Variants in SFTPA1 observed in about 807,000 individuals in gnomAD.
The protein encoded by SFTPA1 is surfactant protein A1.
A neutral mutation model predicts 19.1 loss-of-function variants in SFTPA1; 13 were observed. The ratio of observed to expected loss-of-function variants is 0.68; its 90% CI spans 0.44 to 1.08. The LOEUF (loss-of-function observed/expected upper bound fraction) is 1.08, where lower values mean the gene tolerates loss of function less well. SFTPA1 is among the 50% of genes least tolerant of loss of function. SFTPA1 has a pLI of 0.00. For synonymous variants in SFTPA1, 101 were observed against 117.0 expected, an observed-to-expected ratio of 0.86 and a Z score of 0.88; for missense variants, 259 against 316.4, an observed-to-expected ratio of 0.82 and a Z score of 1.38.
chr10:79,611,869 C>G lies in SFTPA1; in HGVS notation c.44C>G (p.Ala15Gly), dbSNP rs756112462. 1 of 1,613,882 alleles carries G rather than the reference C, an allele frequency of 6.2e-7. No individual in the cohort carries two copies. The highest frequency in any genetic ancestry group is 1.7e-5 in the Admixed American group (1 of 60,000). ...GCCCTCAACCTCATCTTGATGGCAGCCTCTGGTGCTGTGTGCGAAGTGAAG... is the reference window on the plus strand; with the variant it reads ...GCCCTCAACCTCATCTTGATGGCAGGCTCTGGTGCTGTGTGCGAAGTGAAG... The part of the protein sequence containing the change: ...PLALNLILMA[A>G]SGAVCEVKDV... Residue 15 changes from alanine (A) to glycine (G), a missense_variant, in exon 3 of 6, where the codon GCC (alanine) becomes GGC (glycine). Coordinates refer to ENST00000398636, the MANE Select transcript of SFTPA1 (RefSeq NM_005411.5).
At chr10:79,613,358 T>C (rs1479707533) in intron 5 of SFTPA1, 92 bp downstream of exon 5, 5 of 1,573,654 alleles carry the variant, frequency 3.2e-6, no homozygotes, top group Admixed American at 3.3e-5. Context: ...AGATTACAAA[T>C]AGGCATGCAC....
In SFTPA1 at chr10:79,611,377, T is replaced by A; in HGVS notation, c.-36T>A. The A allele has an allele frequency of 1.8e-6, 1 of 562,946 alleles. No homozygotes were observed. The highest frequency in any genetic ancestry group is 3.2e-6 in the Non-Finnish European group (1 of 316,506). The allele number at this position is 562,946 out of a possible 1,614,324, so 34.9% of individuals were successfully genotyped here. On this transcript the variant is annotated 5_prime_UTR_variant, in exon 2 of 6. Transcript: ENST00000398636. ...ACACAGCAGGGATGAGGACAGATGGTGTGAGTCAGTGAGTGAGTGACCTGA... is the reference window on the plus strand; with the variant it reads ...ACACAGCAGGGATGAGGACAGATGGAGTGAGTCAGTGAGTGAGTGACCTGA...
chr10:79,612,523 A>T, intron 4 of SFTPA1, 92 bp downstream of exon 4: 1 of 1,574,260 alleles, frequency 6.4e-7, no homozygotes, highest in Admixed American at 1.7e-5. Context: ...GACAAACCCT[A>T]CAGGTTCCCC....
At position 79,611,960 on chromosome 10, in the gene SFTPA1, C is replaced by A. The variant is rs200941736; in HGVS notation, c.135C>A (p.Asp45Glu). ...GATCCCACGGCCTGCCAGGCAGGGA[C>A]GGGAGAGATGGTCTCAAAGGAGACC... is the stretch of plus-strand genomic sequence containing the variant. ...TPGSHGLPGR[D>E]GRDGLKGDPG... Residue 45 changes from aspartate (D) to glutamate (E), a missense_variant, in exon 3 of 6, where the codon GAC becomes GAA. Transcript: ENST00000398636. The A allele has an allele frequency of 1.9e-6, 3 of 1,613,688 alleles. No homozygotes were observed. Among genetic ancestry groups the A allele is most frequent in the Non-Finnish European group, 2.5e-6 (3 of 1,179,756 alleles).
intron 2 of SFTPA1, 117 bp downstream of exon 2, chr10:79,611,506 T>A: frequency 2.9e-6 from 4 of 1,375,340 alleles, no homozygotes; most frequent in Non-Finnish European, 3.9e-6. Flanking sequence ...AGTGAGGCAC[T>A]GAAAGAAAGG....
rs1288606862 is a variant in SFTPA1, at chr10:79,612,014, C to T, written c.172+17C>T. The T allele has an allele frequency of 2.0e-5, 32 of 1,611,818 alleles. No homozygotes were observed. Among genetic ancestry groups the T allele is most frequent in the Non-Finnish European group, 2.5e-5 (30 of 1,178,648 alleles). On this transcript the variant is annotated intron_variant, in intron 3 of 5. Transcript: ENST00000398636. ...GCCCTCCAGGTACTGTGCTGCAGAC[C>T]CCACCCTCAGCTGAGGGACACAGAC...
rs983505060 is a variant in SFTPA1 at position 79,612,422 on chromosome 10, G to T, written c.283G>T (p.Gly95Cys). The T allele has an allele frequency of 1.2e-6, 2 of 1,613,420 alleles. No homozygotes were observed. The highest frequency in any genetic ancestry group is 2.2e-5 in the South Asian group (2 of 91,072). Residue 95 changes from glycine (G) to cysteine (C), a missense_variant, in exon 4 of 6, where the codon GGC (glycine) becomes TGC (cysteine). By Grantham distance (159) the Gly-to-Cys change is radical. Transcript: ENST00000398636. ...AGAGAAGGGGGAGCCTGGCGAGAGG[G>T]GCCCTCCAGGTGAGCAGGGTGGGGC... Reference protein sequence around the residue: ...CGEKGEPGERGPPGLPAHLDE... With the variant: ...CGEKGEPGERCPPGLPAHLDE...
chr10:79,612,215 G>C lies in SFTPA1; in HGVS notation c.173-97G>C, dbSNP rs1332280500. 2.5e-6 allele frequency: 4 copies of C among 1,610,584 alleles called. No homozygotes were observed. In the African/African-American group the frequency reaches 4.0e-5, roughly 16 times the overall value. Reference sequence around the variant, plus strand: ...GTGCCCACGGAGTGATAGAGTGATAGCTGAGCCAGCCCTGGTGATAATGGG... The same window carrying C: ...GTGCCCACGGAGTGATAGAGTGATACCTGAGCCAGCCCTGGTGATAATGGG... On this transcript the variant is annotated intron_variant, in intron 3 of 5. Transcript: ENST00000398636.
rs1270068931 is a variant in SFTPA1 at position 79,614,972 on chromosome 10, G to C, written c.*859G>C. 7.7e-7 allele frequency: 1 copy of C among 1,301,710 alleles called. No homozygotes were observed. Among genetic ancestry groups the C allele is most frequent in the Non-Finnish European group, 1.0e-6 (1 of 987,072 alleles). 80.6% of individuals were successfully genotyped at this position (1,301,710 alleles called of 1,614,324 possible). A position where few individuals can be genotyped will look rare whatever the true frequency, so the allele number is the denominator to read the frequency against. ...AGATATTTCATTAAAATTATCACGTGCCAGGTCTTAGGATATGTCGTGGGG... is the reference window on the plus strand; with the variant it reads ...AGATATTTCATTAAAATTATCACGTCCCAGGTCTTAGGATATGTCGTGGGG... On this transcript the variant is annotated 3_prime_UTR_variant, in exon 6 of 6. Transcript: ENST00000398636.
At chr10:79,611,590 C>T (rs1016233754) in intron 2 of SFTPA1, 1 of 1,550,644 alleles carries the variant, frequency 6.4e-7, no homozygotes, top group Non-Finnish European at 8.7e-7. Flanking sequence ...AGCCTGGAGA[C>T]CCCACAACCT....
At position 79,614,985 on chromosome 10, in the gene SFTPA1, A is replaced by G. The variant is rs973198243; in HGVS notation, c.*872A>G. Reference sequence around the variant, plus strand: ...AAATTATCACGTGCCAGGTCTTAGGATATGTCGTGGGGTGGGCAAGGTAAT... The same window carrying G: ...AAATTATCACGTGCCAGGTCTTAGGGTATGTCGTGGGGTGGGCAAGGTAAT... On this transcript the variant is annotated 3_prime_UTR_variant, in exon 6 of 6. Coordinates refer to ENST00000398636, the MANE Select transcript of SFTPA1 (RefSeq NM_005411.5). The G allele has an allele frequency of 2.1e-5, 27 of 1,304,470 alleles. No individual in the cohort carries two copies. Among genetic ancestry groups the G allele is most frequent in the Non-Finnish European group, 2.6e-5 (26 of 988,520 alleles). The allele number at this position is 1,304,470 out of a possible 1,614,324, so 80.8% of individuals were successfully genotyped here.
chr10:79,612,079 T>C (rs1375743668), intron 3 of SFTPA1, 82 bp downstream of exon 3: 2 of 1,584,694 alleles, frequency 1.3e-6, no homozygotes, highest in Non-Finnish European at 1.7e-6. Flanking sequence ...CCCTAGGCTG[T>C]GGGCCATAGT....
rs4253522 is a variant in SFTPA1, at chr10:79,613,290, C to T, written c.370+24C>T. 158 of 1,613,916 alleles carry T rather than the reference C, an allele frequency of 9.8e-5. No individual in the cohort carries two copies. The Admixed American group carries it at 1.7e-3, about 18-fold the overall frequency. On this transcript the variant is annotated intron_variant, in intron 5 of 5. Transcript: ENST00000398636. ...AGGTAAGGGGACCCCCTGGGCCTCA[C>T]GGGGTAGGAGTTTCCCACAAATTCC...
chr10:79,615,217 A>G lies in SFTPA1; in HGVS notation c.*1104A>G, dbSNP rs1860094239. The G allele has an allele frequency of 1.1e-5, 6 of 568,296 alleles. No individual in the cohort carries two copies. The South Asian group carries it at 1.2e-4, about 11-fold the overall frequency. 35.2% of individuals were successfully genotyped at this position (568,296 alleles called of 1,614,324 possible). ...GCACTTCTAATACAGCATATTATGT[A>G]CTATTCAATCTTTACACAATGTCAC... is the stretch of plus-strand genomic sequence containing the variant. On this transcript the variant is annotated 3_prime_UTR_variant, in exon 6 of 6. Coordinates refer to ENST00000398636, the MANE Select transcript of SFTPA1 (RefSeq NM_005411.5).
chr10:79,613,077 A>G, intron 4 of SFTPA1, 112 bp from the exon 5 acceptor site: 1 of 1,600,682 alleles, frequency 6.2e-7, no homozygotes, highest in Non-Finnish European at 8.5e-7. Context: ...GTGGCGCCTA[A>G]CAGCAATGAA....
chr10:79,613,720 G>T lies in SFTPA1; in HGVS notation c.371-17G>T. The T allele has an allele frequency of 6.2e-7, 1 of 1,613,986 alleles. No individual in the cohort carries two copies. Among genetic ancestry groups the T allele is most frequent in the Non-Finnish European group, 8.5e-7 (1 of 1,179,850 alleles). ...ACAAAGTGGTCAGTGGCCTGACCCG[G>T]ACTCCTCTGCTCTCAGCCCTCAGTC... On this transcript the variant is annotated splice_polypyrimidine_tract_variant and intron_variant, in intron 5 of 5. Transcript: ENST00000398636.
intron 4 of SFTPA1, 46 bp downstream of exon 4, chr10:79,612,477 A>T (rs746982023): frequency 6.5e-7 from 1 of 1,529,822 alleles, no homozygotes; most frequent in Non-Finnish European, 8.8e-7. Flanking sequence ...GGGCACAGCG[A>T]CCCTGAAGTC....
chr10:79,614,702 GGCCAA>G lies in SFTPA1; in HGVS notation c.*595_*599del. The G allele has an allele frequency of 3.4e-6, 1 of 290,090 alleles. No homozygotes were observed. Among genetic ancestry groups the G allele is most frequent in the South Asian group, 3.8e-5 (1 of 26,382 alleles). The allele number at this position is 290,090 out of a possible 1,614,324, so 18.0% of individuals were successfully genotyped here. On this transcript the variant is annotated 3_prime_UTR_variant, in exon 6 of 6. Transcript: ENST00000398636. The stretch of plus-strand genomic sequence containing the variant: ...CCAGGTAGTGTTCCAGCAGGGTGGT[GGCCAA>G]GCCAACCCCATGATTGATGTGTACG...
intron 2 of SFTPA1, 119 bp downstream of exon 2, chr10:79,611,508 A>G: frequency 7.2e-7 from 1 of 1,389,724 alleles, no homozygotes; most frequent in Non-Finnish European, 9.7e-7. Context: ...TGAGGCACTG[A>G]AAGAAAGGAG....
Sources: gnomAD v4.1 joint callset for allele counts on GRCh38, gnomAD v4.1.1 for gene constraint, MANE v1.5 for transcripts, NCBI Gene and HGNC (gene_info 2026-07-23, HGNC 2026-07-21) for gene names.